VPS13B: variants seen among roughly 807,000 people sequenced by gnomAD.
VPS13B encodes the protein intermembrane lipid transfer protein VPS13B.
Under a neutral mutation model 426.4 loss-of-function variants are expected in VPS13B, and 285 were observed. The observed-to-expected ratio is 0.67, with a 90% confidence interval of 0.61 to 0.74. The LOEUF is 0.74. Ranked by LOEUF, VPS13B falls within the 30% of genes least tolerant of loss-of-function variation. The pLI is 0.00. For missense variants in VPS13B, 4,537 were observed against 4,782.6 expected (o/e 0.95, Z 1.51); for synonymous variants, 1,676 against 1,676.4 (o/e 1.00, Z 0.01).
In VPS13B at chr8:99,813,382, G is replaced by A. The variant is rs1588737007; in HGVS notation, c.8097+3852G>A. On this transcript the variant is annotated intron_variant, in intron 44 of 61. Coordinates refer to ENST00000357162, the MANE Select transcript of VPS13B (RefSeq NM_152564.5). ...CCAAATTCTCTTCTAAATCTCCTGG[G>A]GTCCAAAGGTTCTGAAGCAAGAGCC... Among the ~76,000 whole-genome samples, 8 of 152,232 alleles carry A rather than the reference G, an allele frequency of 5.3e-5. No homozygotes were observed. In the South Asian group the frequency reaches 1.2e-3, roughly 24 times the overall value.
chr8:99,837,342 G>A (rs1037889791), intron 54 of VPS13B, among the ~76,000 whole-genome samples: 4 of 151,988 alleles, frequency 2.6e-5, no homozygotes, highest in African/African-American at 7.2e-5. Flanking sequence ...GAAAACCCGC[G>A]GGATCTGTGC....
chr8:99,025,047 C>G (rs1019416519), intron 2 of VPS13B, among the ~76,000 whole-genome samples: 1 of 151,934 alleles, frequency 6.6e-6, no homozygotes, highest in Non-Finnish European at 1.5e-5. Context: ...TTTTTTGTAG[C>G]TATTCGAAAT....
chr8:99,121,584 A>T, intron 8 of VPS13B, 139 bp downstream of exon 8: 5 of 1,461,342 alleles, frequency 3.4e-6, no homozygotes. Context: ...TTACTTCATA[A>T]AATTACATGG....
intron 43 of VPS13B, among the ~76,000 whole-genome samples, chr8:99,792,767 G>A (rs1027611263): frequency 1.1e-4 from 16 of 152,160 alleles, no homozygotes; most frequent in Admixed American, 1.0e-3. Flanking sequence ...GCAGCCAACT[G>A]CAGCTCATTT....
At chr8:99,434,576 A>G (rs1045101540) in intron 22 of VPS13B, among the ~76,000 whole-genome samples, 2 of 151,452 alleles carry the variant, frequency 1.3e-5, no homozygotes, top group Non-Finnish European at 3.0e-5. Context: ...AGAAATACAT[A>G]CCTGCCATAA....
chr8:99,519,789 C>T lies in VPS13B; in HGVS notation c.4634-1110C>T, dbSNP rs186236612. On this transcript the variant is annotated intron_variant, in intron 29 of 61. Coordinates refer to ENST00000357162, the MANE Select transcript of VPS13B (RefSeq NM_152564.5). ...ACACAGGAAGGGGAACATCATACAC[C>T]GGGGCCTGTTGTGGGGTGGGGGGAG... Among the ~76,000 whole-genome samples, 231 of 98,808 alleles carry T rather than the reference C, an allele frequency of 2.3e-3. 1 individual carries two copies. The highest frequency in any genetic ancestry group is 3.0e-3 in the Admixed American group (21 of 7,108). 64.8% of individuals were successfully genotyped at this position (98,808 alleles called of 152,430 possible). A position where few individuals can be genotyped will look rare whatever the true frequency, so the allele number is the denominator to read the frequency against.
chr8:99,369,458 G>A (rs946665671), intron 19 of VPS13B, among the ~76,000 whole-genome samples: 6 of 152,278 alleles, frequency 3.9e-5, no homozygotes, highest in African/African-American at 1.4e-4. Context: ...AACTATATGT[G>A]ATTGTGAGGC....
intron 31 of VPS13B, among the ~76,000 whole-genome samples, chr8:99,574,243 C>T (rs1825644309): frequency 6.6e-6 from 1 of 152,178 alleles, no homozygotes; most frequent in Non-Finnish European, 1.5e-5. Flanking sequence ...ATGTCGTCTG[C>T]AAACGGGGAC....
At chr8:99,663,574 G>GA (rs1313110369) in intron 35 of VPS13B, among the ~76,000 whole-genome samples, 1 of 151,966 alleles carries the variant, frequency 6.6e-6, no homozygotes, top group Non-Finnish European at 1.5e-5. Context: ...CACTAAAAAT[G>GA]AAAAAAACAT....
intron 31 of VPS13B, among the ~76,000 whole-genome samples, chr8:99,559,093 AT>A (rs1403755652): frequency 2.0e-5 from 3 of 152,104 alleles, no homozygotes; most frequent in Non-Finnish European, 4.4e-5. Context: ...CTTTTTAATG[AT>A]TGCCATTCTA....
intron 54 of VPS13B, among the ~76,000 whole-genome samples, chr8:99,845,535 G>C (rs1815938034): frequency 6.6e-6 from 1 of 152,100 alleles, no homozygotes; most frequent in African/African-American, 2.4e-5. Context: ...CATTCTGTCT[G>C]TCCTCCTTAA....
rs543783966 is a variant in VPS13B, at chr8:99,486,238, G to C, written c.3870+4436G>C. The stretch of plus-strand genomic sequence containing the variant: ...TAATAGCATTTAGTTTCTCATGTTT[G>C]TTTTGGTTTTTTTTTTTACTATAGT... On this transcript the variant is annotated intron_variant, in intron 25 of 61. Coordinates refer to ENST00000357162, the MANE Select transcript of VPS13B (RefSeq NM_152564.5). Among the ~76,000 whole-genome samples, 6 of 151,628 alleles carry C rather than the reference G, an allele frequency of 4.0e-5. No homozygotes were observed. The East Asian group carries it at 1.2e-3, about 29-fold the overall frequency.
At chr8:99,448,521 T>G (rs1008778686) in intron 23 of VPS13B, among the ~76,000 whole-genome samples, 1 of 152,294 alleles carries the variant, frequency 6.6e-6, no homozygotes, top group African/African-American at 2.4e-5. Flanking sequence ...TGCATACGTG[T>G]TAAAAGTAAT....
At chr8:99,593,848 G>A (rs886635047) in intron 33 of VPS13B, among the ~76,000 whole-genome samples, 6 of 152,058 alleles carry the variant, frequency 3.9e-5, no homozygotes, top group Non-Finnish European at 7.4e-5. Flanking sequence ...ATCAGTGGGA[G>A]CTGAATGATG....
intron 3 of VPS13B, among the ~76,000 whole-genome samples, chr8:99,059,210 C>T (rs973518496): frequency 2.6e-5 from 4 of 152,178 alleles, no homozygotes; most frequent in Admixed American, 6.5e-5. Flanking sequence ...GATCTTGGCT[C>T]ATTGCAACTT....
chr8:99,683,852 A>G (rs1273086238), intron 35 of VPS13B, among the ~76,000 whole-genome samples: 1 of 152,124 alleles, frequency 6.6e-6, no homozygotes, highest in Non-Finnish European at 1.5e-5. Context: ...GCCTTGTTGC[A>G]CTGTCTATGA....
intron 30 of VPS13B, among the ~76,000 whole-genome samples, chr8:99,545,104 G>C (rs1823898766): frequency 6.6e-6 from 1 of 151,998 alleles, no homozygotes; most frequent in Non-Finnish European, 1.5e-5. Context: ...TCTGTACCTT[G>C]CTTTTTAAAC....
At chr8:99,744,955 A>G (rs1390559320) in intron 39 of VPS13B, among the ~76,000 whole-genome samples, 2 of 152,174 alleles carry the variant, frequency 1.3e-5, no homozygotes, top group African/African-American at 2.4e-5. Context: ...ATGTACCCTA[A>G]AACTTAAAGT....
chr8:99,292,043 C>T (rs916522676), intron 19 of VPS13B, among the ~76,000 whole-genome samples: 2 of 151,922 alleles, frequency 1.3e-5, no homozygotes, highest in Non-Finnish European at 2.9e-5. Flanking sequence ...GCTTTGTTTT[C>T]TAAGACAAAT....
Sources: allele counts gnomAD v4.1 joint callset (sites outside exome capture counted in the v4.1 genomes callset), GRCh38; gene constraint gnomAD v4.1.1; transcripts MANE v1.5; gene names NCBI Gene and HGNC (gene_info 2026-07-23, HGNC 2026-07-21).